The following STAC variants were observed in gnomAD, a reference collection of about 807,000 sequenced individuals.
The protein encoded by STAC is SH3 and cysteine-rich domain-containing protein.
In STAC, 43 loss-of-function variants were observed where a neutral mutation model predicts 48.8. The ratio of observed to expected loss-of-function variants is 0.88; its 90% CI spans 0.69 to 1.14. The LOEUF (loss-of-function observed/expected upper bound fraction) is 1.14. Among genes scored for constraint, STAC ranks in the 50% most tolerant of loss-of-function variants. STAC has a pLI of 0.00. For missense variants in STAC, 497 were observed against 504.0 expected (o/e 0.99, Z 0.13); for synonymous variants, 193 against 179.5 (o/e 1.07, Z -0.60).
chr3:36,513,148 G>T (rs1257556498), intron 8 of STAC, among the ~76,000 whole-genome samples: 1 of 152,088 alleles, frequency 6.6e-6, no homozygotes, highest in African/African-American at 2.4e-5. Flanking sequence ...CATCACATCA[G>T]CAAATATTCA....
rs1038243903 is a variant in STAC at position 36,528,572 on chromosome 3, T to A, written c.921-124T>A. ...TGGTAGGAAGAACTGGTAAAAGTTA[T>A]ATTTACTTTATTTCTATTTCTTTTA... On this transcript the variant is annotated intron_variant, in intron 8 of 10. Coordinates refer to ENST00000273183, the MANE Select transcript of STAC (RefSeq NM_003149.3). 4 of 797,178 alleles carry A rather than the reference T, an allele frequency of 5.0e-6. No homozygotes were observed. In the African/African-American group the frequency reaches 7.0e-5, roughly 14 times the overall value. The allele number at this position is 797,178 out of a possible 1,614,324, so 49.4% of individuals were successfully genotyped here. A position where few individuals can be genotyped will look rare whatever the true frequency, so the allele number is the denominator to read the frequency against.
chr3:36,507,114 G>C (rs551691213), intron 8 of STAC, among the ~76,000 whole-genome samples: 7 of 152,114 alleles, frequency 4.6e-5, no homozygotes, highest in Non-Finnish European at 8.8e-5. Context: ...TAGTTTATGA[G>C]AGTTTTTAGC....
intron 2 of STAC, among the ~76,000 whole-genome samples, chr3:36,479,369 G>T (rs187890752): frequency 1.6e-3 from 238 of 152,018 alleles, no homozygotes; most frequent in African/African-American, 5.3e-3. Flanking sequence ...GTTGCTTACC[G>T]TATCTCCACT....
chr3:36,491,306 T>C (rs985835387), intron 5 of STAC, among the ~76,000 whole-genome samples: 21 of 152,222 alleles, frequency 1.4e-4, no homozygotes, highest in Non-Finnish European at 2.4e-4. Flanking sequence ...CAAATTGTTA[T>C]GTTTTCCTCA....
Position 36,491,007 on chromosome 3 carries a change from C to G in STAC, c.688-2144C>G, listed in dbSNP as rs1485802624. On this transcript the variant is annotated intron_variant, in intron 5 of 10. Transcript: ENST00000273183. ...GAGCTGCAGGGAGACAAAGACAAAC[C>G]AAATTGTACTTAAAGATCTGTCACT... Among the ~76,000 whole-genome samples the G allele has an allele frequency of 4.6e-5, 7 of 152,218 alleles. No individual in the cohort carries two copies. In the South Asian group the frequency reaches 1.0e-3, roughly 23 times the overall value.
At chr3:36,411,849 G>A (rs1192593077) in intron 1 of STAC, among the ~76,000 whole-genome samples, 1 of 152,142 alleles carries the variant, frequency 6.6e-6, no homozygotes, top group South Asian at 2.1e-4. Context: ...GTAACTGGGG[G>A]CAGTCACTTG....
intron 8 of STAC, among the ~76,000 whole-genome samples, chr3:36,508,442 G>A (rs1417351772): frequency 6.6e-6 from 1 of 152,110 alleles, no homozygotes; most frequent in African/African-American, 2.4e-5. Flanking sequence ...AGGTCTGCTT[G>A]GTCCAGAGCT....
At chr3:36,434,065 C>A (rs565944213) in intron 1 of STAC, among the ~76,000 whole-genome samples, 1 of 152,162 alleles carries the variant, frequency 6.6e-6, no homozygotes, top group Non-Finnish European at 1.5e-5. Flanking sequence ...TTTCTAAAGA[C>A]CCCCAATGCT....
intron 6 of STAC, among the ~76,000 whole-genome samples, chr3:36,495,668 T>G (rs1698134550): frequency 6.6e-6 from 1 of 152,264 alleles, no homozygotes; most frequent in Non-Finnish European, 1.5e-5. Flanking sequence ...CAATTTACAC[T>G]GAGGGTTTCT....
chr3:36,472,443 C>G (rs1188547187), intron 2 of STAC, among the ~76,000 whole-genome samples: 1 of 152,250 alleles, frequency 6.6e-6, no homozygotes, highest in Non-Finnish European at 1.5e-5. Context: ...CAACAGCCAG[C>G]TTGAATTTCT....
At position 36,486,120 on chromosome 3, in the gene STAC, C is replaced by G; in HGVS notation, c.572-14C>G. ...AGATGAGCTTCCTCAGATGAACTTT[C>G]TCTTCTGTTGCAGCCTGTGGCAATA... On this transcript the variant is annotated splice_polypyrimidine_tract_variant and intron_variant, in intron 4 of 10. Transcript: ENST00000273183. The G allele has an allele frequency of 1.2e-6, 2 of 1,605,718 alleles. No individual in the cohort carries two copies. The highest frequency in any genetic ancestry group is 1.7e-6 in the Non-Finnish European group (2 of 1,174,364).
chr3:36,411,760 CAA>C (rs1700199617), intron 1 of STAC, among the ~76,000 whole-genome samples: 1 of 152,246 alleles, frequency 6.6e-6, no homozygotes, highest in African/African-American at 2.4e-5. Context: ...TGTCATGAGA[CAA>C]TATGAGTGGG....
At chr3:36,423,327 G>A (rs1217346768) in intron 1 of STAC, among the ~76,000 whole-genome samples, 3 of 151,818 alleles carry the variant, frequency 2.0e-5, no homozygotes, top group Non-Finnish European at 4.4e-5. Context: ...AAATTAAAAT[G>A]GATTTTGGTG....
At chr3:36,494,287 A>G (rs920080042) in intron 6 of STAC, among the ~76,000 whole-genome samples, 4 of 152,186 alleles carry the variant, frequency 2.6e-5, no homozygotes, top group African/African-American at 9.6e-5. Context: ...CTAGTTTATC[A>G]AAAAATATTT....
intron 2 of STAC, among the ~76,000 whole-genome samples, chr3:36,463,878 A>G (rs1376925970): frequency 6.6e-6 from 1 of 152,020 alleles, no homozygotes; most frequent in African/African-American, 2.4e-5. Context: ...ATAGTATTCC[A>G]TGATGTATAT....
intron 10 of STAC, among the ~76,000 whole-genome samples, chr3:36,543,072 G>A (rs962492300): frequency 1.1e-4 from 16 of 152,248 alleles, no homozygotes; most frequent in African/African-American, 3.9e-4. Context: ...AAGGACTTAG[G>A]ACTTTCAGTG....
At chr3:36,411,785 C>T (rs1001331444) in intron 1 of STAC, among the ~76,000 whole-genome samples, 2 of 152,160 alleles carry the variant, frequency 1.3e-5, no homozygotes, top group Non-Finnish European at 2.9e-5. Flanking sequence ...ACGAGCATGG[C>T]TTTTGAGGTC....
chr3:36,393,181 T>C (rs1699788086), intron 1 of STAC, among the ~76,000 whole-genome samples: 2 of 152,164 alleles, frequency 1.3e-5, no homozygotes, highest in East Asian at 1.9e-4. Context: ...ATAAAATCCA[T>C]TAAATCAGTG....
chr3:36,397,408 C>A (rs1240536423), intron 1 of STAC, among the ~76,000 whole-genome samples: 1 of 152,144 alleles, frequency 6.6e-6, no homozygotes, highest in African/African-American at 2.4e-5. Flanking sequence ...TATAAGATTT[C>A]ATTATTGTAA....
Sources: allele counts gnomAD v4.1 joint callset (sites outside exome capture counted in the v4.1 genomes callset), GRCh38; gene constraint gnomAD v4.1.1; transcripts MANE v1.5; gene names NCBI Gene and HGNC (gene_info 2026-07-23, HGNC 2026-07-21).